RHOT1: variants seen among roughly 807,000 people sequenced by gnomAD.
RHOT1 encodes the protein mitochondrial Rho GTPase 1.
A neutral mutation model predicts 95.3 loss-of-function variants in RHOT1; 27 were observed. The observed-to-expected ratio is 0.28, with a 90% CI of 0.21 to 0.39. The LOEUF is 0.39. Among genes scored for constraint, RHOT1 ranks in the 10% least tolerant of loss-of-function variants. RHOT1 has a pLI of 1.00. For synonymous variants in RHOT1, 227 were observed against 263.5 expected (o/e 0.86, Z 1.34); for missense variants, 578 against 786.7 (o/e 0.73, Z 3.17).
intron 1 of RHOT1, among the ~76,000 whole-genome samples, chr17:32,164,111 C>T (rs886805179): frequency 6.6e-5 from 10 of 152,092 alleles, no homozygotes; most frequent in South Asian, 2.1e-4. Flanking sequence ...ACCAAGATCG[C>T]GCCACTGCGC....
intron 10 of RHOT1, 26 bp downstream of exon 10, chr17:32,193,270 T>G: frequency 6.8e-7 from 1 of 1,467,272 alleles, no homozygotes; most frequent in Non-Finnish European, 9.5e-7. Flanking sequence ...TTTTCCCCCT[T>G]TTGAAACTTA....
intron 7 of RHOT1, 87 bp from the exon 8 acceptor site, chr17:32,183,083 GA>G: frequency 8.6e-7 from 1 of 1,163,372 alleles, no homozygotes; most frequent in Non-Finnish European, 1.2e-6. Context: ...TTTTTTCAAG[GA>G]ATCTTTTTTT....
intron 6 of RHOT1, among the ~76,000 whole-genome samples, 186 bp from the exon 7 acceptor site, chr17:32,182,571 G>A (rs2035726739): frequency 1.3e-5 from 2 of 152,182 alleles, no homozygotes; most frequent in African/African-American, 4.8e-5. Flanking sequence ...TATAATAGGT[G>A]CTCAATAGAT....
intron 6 of RHOT1, among the ~76,000 whole-genome samples, chr17:32,176,719 T>C (rs2035039360): frequency 6.6e-6 from 1 of 151,908 alleles, no homozygotes; most frequent in African/African-American, 2.4e-5. Context: ...ACTGCAGGCA[T>C]GTACCACCAT....
Position 32,175,245 on chromosome 17 carries a change from A to C in RHOT1, c.179-74A>C, listed in dbSNP as rs1255757616. On this transcript the variant is annotated intron_variant, in intron 3 of 19. Coordinates refer to ENST00000545287, the MANE Select transcript of RHOT1 (RefSeq NM_001033566.3). ...TTGAGGGATGTTAGATGAGTGTTGC[A>C]TAGAATTTAGCTTGGCCATTAGTTT... The C allele has an allele frequency of 3.9e-6, 5 of 1,272,196 alleles. No individual in the cohort carries two copies. The Admixed American group carries it at 8.4e-5, about 21-fold the overall frequency. 78.8% of individuals were successfully genotyped at this position (1,272,196 alleles called of 1,614,324 possible).
intron 1 of RHOT1, among the ~76,000 whole-genome samples, chr17:32,149,613 A>ATGTG (rs1261403430): frequency 2.7e-4 from 22 of 82,148 alleles, no homozygotes; most frequent in African/African-American, 1.6e-3. Context: ...ATATATATAT[A>ATGTG]TATATATATA....
intron 8 of RHOT1, among the ~76,000 whole-genome samples, chr17:32,191,173 T>C (rs954044194): frequency 6.6e-6 from 1 of 152,156 alleles, no homozygotes; most frequent in African/African-American, 2.4e-5. Flanking sequence ...TTTCTCACTA[T>C]ATCAAATTAC....
chr17:32,212,937 C>T (rs2038226616), intron 19 of RHOT1, among the ~76,000 whole-genome samples: 1 of 152,086 alleles, frequency 6.6e-6, no homozygotes, highest in Admixed American at 6.5e-5. Flanking sequence ...TTCACAGTAC[C>T]TCTTAAAAGG....
chr17:32,210,993 CT>C, intron 18 of RHOT1, 122 bp from the exon 19 acceptor site: 1 of 937,286 alleles, frequency 1.1e-6, no homozygotes. Context: ...CCATACTGTC[CT>C]TTTCCTTTCT....
chr17:32,215,550 G>C (rs1429945781), intron 19 of RHOT1, among the ~76,000 whole-genome samples: 2 of 145,676 alleles, frequency 1.4e-5, no homozygotes, highest in South Asian at 4.7e-4. Context: ...TTTTAACTTT[G>C]GTTATATTTT....
intron 19 of RHOT1, among the ~76,000 whole-genome samples, chr17:32,217,058 T>G (rs2038520535): frequency 6.6e-6 from 1 of 152,220 alleles, no homozygotes; most frequent in African/African-American, 2.4e-5. Context: ...GGTTAATATA[T>G]TAAAGGACAT....
At chr17:32,171,817 A>G (rs1014506757) in intron 2 of RHOT1, among the ~76,000 whole-genome samples, 3 of 152,222 alleles carry the variant, frequency 2.0e-5, no homozygotes, top group Non-Finnish European at 4.4e-5. Flanking sequence ...ACAAATGTTG[A>G]AACAAACTCA....
At position 32,206,916 on chromosome 17, in the gene RHOT1, G is replaced by A; in HGVS notation, c.1423G>A (p.Asp475Asn). 1 of 1,579,758 alleles carries A rather than the reference G, an allele frequency of 6.3e-7. No homozygotes were observed. Among genetic ancestry groups the A allele is most frequent in the Non-Finnish European group, 8.7e-7 (1 of 1,152,256 alleles). ...TATCTTTTTCTTTTACAAGTTGCATGATATCTCAGAATCGGAATTTCTAAC... is the reference window on the plus strand; with the variant it reads ...TATCTTTTTCTTTTACAAGTTGCATAATATCTCAGAATCGGAATTTCTAAC... ...YGQEKYLLLH[D>N]ISESEFLTEA... The change falls in exon 17 of 20, where the codon GAT (aspartate) becomes AAT (asparagine). Residue 475 changes from aspartate to asparagine, a missense_variant. Asp to Asn is a conservative substitution (Grantham distance 23). Around this residue, in one of 4 missense-constraint regions of RHOT1, gnomAD observed 296 missense variants for 338.5 expected, o/e 0.87. Coordinates refer to ENST00000545287, the MANE Select transcript of RHOT1 (RefSeq NM_001033566.3).
intron 6 of RHOT1, among the ~76,000 whole-genome samples, chr17:32,182,493 C>T (rs1484044532): frequency 6.6e-6 from 1 of 151,938 alleles, no homozygotes; most frequent in Non-Finnish European, 1.5e-5. Context: ...CTCAAGAAAA[C>T]AAAAAACAAA....
chr17:32,223,620 G>A (rs1214464133), intron 19 of RHOT1, among the ~76,000 whole-genome samples: 2 of 151,900 alleles, frequency 1.3e-5, no homozygotes. Context: ...TCACCATGTT[G>A]GCCAGGCCAG....
In RHOT1 at chr17:32,202,792, C is replaced by T; in HGVS notation, c.1224C>T (p.Asp408=). 1 of 1,595,570 alleles carries T rather than the reference C, an allele frequency of 6.3e-7. No individual in the cohort carries two copies. The highest frequency in any genetic ancestry group is 1.3e-5 in the African/African-American group (1 of 74,340). Residue 408 remains aspartate, a synonymous_variant, in exon 15 of 20, where the codon GAC becomes GAT. Transcript: ENST00000545287. The stretch of plus-strand genomic sequence containing the variant: ...TAGTGACAAGAGATAAAAAGATAGA[C>T]CTGCAGAAAAAACAAACTCAAAGAA... ...AVTVTRDKKI[D]LQKKQTQRNV...
intron 19 of RHOT1, among the ~76,000 whole-genome samples, chr17:32,217,108 C>T (rs956892682): frequency 6.6e-6 from 1 of 152,182 alleles, no homozygotes; most frequent in African/African-American, 2.4e-5. Context: ...TTAAGTATCA[C>T]TAGTTAACAT....
chr17:32,153,386 C>T (rs1439387610), intron 1 of RHOT1, among the ~76,000 whole-genome samples: 1 of 152,166 alleles, frequency 6.6e-6, no homozygotes, highest in Non-Finnish European at 1.5e-5. Flanking sequence ...TAGCTGGGCT[C>T]TGTGGCTCAT....
At chr17:32,207,979 T>C in intron 17 of RHOT1, 128 bp from the exon 18 acceptor site, 1 of 733,978 alleles carries the variant, frequency 1.4e-6, no homozygotes, top group Non-Finnish European at 2.3e-6. Flanking sequence ...TCTTTGCCTT[T>C]TGGTTCACTT....
Sources: gnomAD v4.1 joint callset for allele counts (sites outside exome capture counted in the v4.1 genomes callset) on GRCh38, gnomAD v4.1.1 for gene constraint, gnomAD v4.1.1 regional missense constraint, MANE v1.5 for transcripts, NCBI Gene and HGNC (gene_info 2026-07-23, HGNC 2026-07-21) for gene names.